TMEM131L: variants seen among roughly 807,000 people sequenced by gnomAD.
The protein encoded by TMEM131L is transmembrane protein 131-like.
TMEM131L carries 54 observed loss-of-function variants against 192.2 expected under a neutral mutation model. That is an observed-to-expected ratio of 0.28 (90% CI 0.23 to 0.35). TMEM131L has a LOEUF of 0.35. TMEM131L is among the 10% of genes least tolerant of loss of function. The pLI is 1.00. For synonymous variants in TMEM131L, 701 were observed against 704.9 expected (o/e 0.99, Z 0.09); for missense variants, 1,888 against 1,972.9 (o/e 0.96, Z 0.82).
chr4:153,608,946 G>T (rs150150911), intron 25 of TMEM131L, among the ~76,000 whole-genome samples: 1 of 152,082 alleles, frequency 6.6e-6, no homozygotes, highest in Non-Finnish European at 1.5e-5. Flanking sequence ...CATTACCACC[G>T]TGAAGGGCAT....
At chr4:153,554,709 C>T (rs1402386492) in intron 4 of TMEM131L, among the ~76,000 whole-genome samples, 1 of 152,224 alleles carries the variant, frequency 6.6e-6, no homozygotes, top group African/African-American at 2.4e-5. Context: ...ATTTGGCTCT[C>T]TCTGCCACTG....
intron 3 of TMEM131L, among the ~76,000 whole-genome samples, chr4:153,540,466 A>C (rs554916332): frequency 6.6e-6 from 1 of 152,254 alleles, no homozygotes; most frequent in Non-Finnish European, 1.5e-5. Flanking sequence ...TGGATACTTA[A>C]AGTACTGTGG....
At position 153,596,389 on chromosome 4, in the gene TMEM131L, G is replaced by A. The variant is rs1242771729; in HGVS notation, c.2123+4G>A. The stretch of plus-strand genomic sequence containing the variant: ...TTACCTCACTCATACTAATCCGGTA[G>A]GTGTGTTCCTGTTGTAGAATCTGTT... On this transcript the variant is annotated splice_donor_region_variant and intron_variant, in intron 20 of 34. Coordinates refer to ENST00000409959, the MANE Select transcript of TMEM131L (RefSeq NM_001131007.2). The A allele has an allele frequency of 1.9e-6, 3 of 1,613,088 alleles. No individual in the cohort carries two copies. In the Admixed American group the frequency reaches 5.0e-5, roughly 27 times the overall value.
intron 3 of TMEM131L, among the ~76,000 whole-genome samples, chr4:153,532,267 A>T (rs1180530118): frequency 6.6e-6 from 1 of 152,184 alleles, no homozygotes; most frequent in East Asian, 1.9e-4. Flanking sequence ...CATTTTCATT[A>T]TGTACAGGAG....
Position 153,588,873 on chromosome 4 carries a change from T to C in TMEM131L, c.1553-17T>C. On this transcript the variant is annotated splice_polypyrimidine_tract_variant and intron_variant, in intron 15 of 34. Coordinates refer to ENST00000409959, the MANE Select transcript of TMEM131L (RefSeq NM_001131007.2). Reference sequence around the variant, plus strand: ...GTTTTCTGTAAATCTAAATATGGAATCTGATCTAACTTTTAGGAAATCCTA... The same window carrying C: ...GTTTTCTGTAAATCTAAATATGGAACCTGATCTAACTTTTAGGAAATCCTA... The C allele has an allele frequency of 8.1e-7, 1 of 1,241,900 alleles. No homozygotes were observed. The highest frequency in any genetic ancestry group is 1.2e-6 in the Non-Finnish European group (1 of 843,272). 76.9% of individuals were successfully genotyped at this position (1,241,900 alleles called of 1,614,324 possible).
chr4:153,604,510 C>T (rs758328871), intron 25 of TMEM131L, 80 bp downstream of exon 25: 45 of 1,358,428 alleles, frequency 3.3e-5, no homozygotes, highest in South Asian at 8.6e-5. Flanking sequence ...CACCTGTGAC[C>T]GTTAGTTTTA....
At chr4:153,577,704 A>G (rs900201566) in intron 7 of TMEM131L, among the ~76,000 whole-genome samples, 1 of 152,242 alleles carries the variant, frequency 6.6e-6, no homozygotes, top group African/African-American at 2.4e-5. Context: ...AAGGAGGTAC[A>G]ATCAGTATGA....
intron 3 of TMEM131L, among the ~76,000 whole-genome samples, chr4:153,525,214 T>G (rs1735386347): frequency 6.6e-6 from 1 of 152,244 alleles, no homozygotes; most frequent in Non-Finnish European, 1.5e-5. Flanking sequence ...TTGGAAAGTT[T>G]TAGGATTTTT....
intron 12 of TMEM131L, 63 bp from the exon 13 acceptor site, chr4:153,585,395 C>T (rs1028563966): frequency 4.0e-6 from 6 of 1,514,600 alleles, no homozygotes; most frequent in African/African-American, 2.8e-5. Context: ...ATTAGAGGCT[C>T]ATAAGAGGGC....
chr4:153,604,358 G>A lies in TMEM131L; in HGVS notation c.3346G>A (p.Glu1116Lys), dbSNP rs754002190. The change falls in exon 25 of 35, where the codon GAA (glutamate) becomes AAA (lysine). Residue 1116 changes from glutamate to lysine, a missense_variant. Glu to Lys is a moderately conservative substitution (Grantham distance 56). Coordinates refer to ENST00000409959, the MANE Select transcript of TMEM131L (RefSeq NM_001131007.2). ...ACTGAAGACCTCCAAGAAACTACCTGAAAACCATTTACCAAGAAACTCACC... is the reference window on the plus strand; with the variant it reads ...ACTGAAGACCTCCAAGAAACTACCTAAAAACCATTTACCAAGAAACTCACC... ...CPLKTSKKLP[E>K]NHLPRNSPQY... The A allele has an allele frequency of 3.1e-6, 5 of 1,613,910 alleles. No individual in the cohort carries two copies. In the South Asian group the frequency reaches 5.5e-5, roughly 18 times the overall value.
At chr4:153,614,460 T>C (rs1228497610) in intron 26 of TMEM131L, among the ~76,000 whole-genome samples, 1 of 152,200 alleles carries the variant, frequency 6.6e-6, no homozygotes, top group African/African-American at 2.4e-5. Flanking sequence ...GGCCTGACGA[T>C]TGCTGCTTTG....
intron 3 of TMEM131L, among the ~76,000 whole-genome samples, chr4:153,508,527 G>A (rs1281976744): frequency 6.6e-6 from 1 of 152,082 alleles, no homozygotes; most frequent in Non-Finnish European, 1.5e-5. Flanking sequence ...AATGTGCTAG[G>A]TTCCTTAAGT....
intron 7 of TMEM131L, among the ~76,000 whole-genome samples, chr4:153,572,741 G>C (rs895532733): frequency 3.9e-5 from 6 of 152,114 alleles, no homozygotes; most frequent in Admixed American, 3.9e-4. Flanking sequence ...TTCACCATTT[G>C]TATGCGTACA....
chr4:153,586,637 T>C (rs1730717812), intron 14 of TMEM131L, among the ~76,000 whole-genome samples: 3 of 152,218 alleles, frequency 2.0e-5, no homozygotes, highest in Non-Finnish European at 4.4e-5. Context: ...TTAATAGATG[T>C]CATTTTCATT....
chr4:153,490,110 C>T (rs1732659254), intron 3 of TMEM131L, among the ~76,000 whole-genome samples: 1 of 152,136 alleles, frequency 6.6e-6, no homozygotes, highest in Admixed American at 6.5e-5. Context: ...CCGTGTATTT[C>T]AGCTGCAGTT....
intron 4 of TMEM131L, among the ~76,000 whole-genome samples, chr4:153,551,359 ATTTT>A (rs139166122): frequency 6.9e-6 from 1 of 145,958 alleles, no homozygotes. Context: ...TGAACTTGGA[ATTTT>A]TTTTTTTTTT....
chr4:153,540,659 A>G (rs530247452), intron 3 of TMEM131L, among the ~76,000 whole-genome samples: 32 of 152,376 alleles, frequency 2.1e-4, no homozygotes, highest in Non-Finnish European at 3.8e-4. Flanking sequence ...GTCTGCCTTT[A>G]CAGTATGAAT....
At position 153,467,288 on chromosome 4, in the gene TMEM131L, A is replaced by G. The variant is rs1025429419; in HGVS notation, c.195+7A>G. On this transcript the variant is annotated splice_region_variant and intron_variant, in intron 2 of 34. Coordinates refer to ENST00000409959, the MANE Select transcript of TMEM131L (RefSeq NM_001131007.2). ...ACTCCTGCTGCCCACTCAGGTGAGG[A>G]CGACCAGGTGACAGGGCGGCTGTGG... 3 of 1,551,266 alleles carry G rather than the reference A, an allele frequency of 1.9e-6. No homozygotes were observed. Among genetic ancestry groups the G allele is most frequent in the Admixed American group, 3.9e-5 (2 of 51,006 alleles).
chr4:153,613,239 A>G (rs551199531), intron 26 of TMEM131L, among the ~76,000 whole-genome samples: 45 of 152,382 alleles, frequency 3.0e-4, no homozygotes, highest in African/African-American at 1.1e-3. Context: ...GGAAGAAGGC[A>G]TAATAAAGGT....
Sources: gnomAD v4.1 joint callset for allele counts (sites outside exome capture counted in the v4.1 genomes callset) on GRCh38, gnomAD v4.1.1 for gene constraint, MANE v1.5 for transcripts, NCBI Gene and HGNC (gene_info 2026-07-23, HGNC 2026-07-21) for gene names.